Variants in NR3C2 observed in about 807,000 individuals in gnomAD.
NR3C2 encodes mineralocorticoid receptor.
In NR3C2, 15 loss-of-function variants were observed where a neutral mutation model predicts 86.4. The ratio of observed to expected loss-of-function variants is 0.17; its 90% CI spans 0.12 to 0.27. The LOEUF (loss-of-function observed/expected upper bound fraction) is 0.27. NR3C2 is among the 10% of genes least tolerant of loss of function. NR3C2 has a pLI of 1.00. For missense variants in NR3C2, 960 were observed against 1,195.6 expected (o/e 0.80, Z 2.91); for synonymous variants, 458 against 450.5 (o/e 1.02, Z -0.21).
upstream of NR3C2, chr4:148,444,147 G>A: frequency 1.0e-6 from 1 of 985,372 alleles, no homozygotes; most frequent in Non-Finnish European, 1.2e-6. Context: ...GGGGAGTCCC[G>A]GACCTAGAGC....
intron 2 of NR3C2, among the ~76,000 whole-genome samples, chr4:148,329,845 C>T (rs1171698596): frequency 2.6e-5 from 4 of 152,180 alleles, no homozygotes; most frequent in African/African-American, 9.7e-5. Context: ...GAACTTTAAT[C>T]GTTAACTGGA....
At chr4:148,360,075 T>C (rs1745764528) in intron 2 of NR3C2, among the ~76,000 whole-genome samples, 1 of 152,170 alleles carries the variant, frequency 6.6e-6, no homozygotes, top group Admixed American at 6.5e-5. Context: ...AGAAATGGAA[T>C]TTTCTATAGC....
At chr4:148,350,759 G>A (rs781757671) in intron 2 of NR3C2, among the ~76,000 whole-genome samples, 1 of 152,132 alleles carries the variant, frequency 6.6e-6, no homozygotes, top group Non-Finnish European at 1.5e-5. Flanking sequence ...CCTGTCACAG[G>A]TGTCTTAAAT....
intron 4 of NR3C2, among the ~76,000 whole-genome samples, chr4:148,170,242 T>C (rs1227023945): frequency 2.0e-5 from 3 of 152,218 alleles, no homozygotes; most frequent in Non-Finnish European, 4.4e-5. Flanking sequence ...AAATCACCCC[T>C]GGTTGAGATT....
chr4:148,169,032 T>C (rs1352822517), intron 4 of NR3C2, among the ~76,000 whole-genome samples: 1 of 152,196 alleles, frequency 6.6e-6, no homozygotes, highest in Admixed American at 6.5e-5. Context: ...GAAATCAATA[T>C]ACCATAACAT....
At chr4:148,098,906 A>G (rs1218914786) in intron 8 of NR3C2, among the ~76,000 whole-genome samples, 1 of 151,958 alleles carries the variant, frequency 6.6e-6, no homozygotes, top group Non-Finnish European at 1.5e-5. Flanking sequence ...TCCTTATGAA[A>G]TTCCTTCACT....
At chr4:148,169,223 A>G (rs987568408) in intron 4 of NR3C2, among the ~76,000 whole-genome samples, 17 of 152,212 alleles carry the variant, frequency 1.1e-4, no homozygotes, top group African/African-American at 2.9e-4. Flanking sequence ...CATTAACATC[A>G]GTATGGTTAA....
At chr4:148,260,236 G>C (rs1165114577) in intron 2 of NR3C2, 119 bp from the exon 3 acceptor site, 8 of 1,239,052 alleles carry the variant, frequency 6.5e-6, no homozygotes, top group Non-Finnish European at 9.3e-6. Flanking sequence ...AGTGTGTAAT[G>C]ACCACATACT....
chr4:148,430,948 C>T (rs1197206729), intron 2 of NR3C2, among the ~76,000 whole-genome samples: 1 of 152,114 alleles, frequency 6.6e-6, no homozygotes, highest in Non-Finnish European at 1.5e-5. Context: ...ATCCTAATTA[C>T]TGTTCTTGTA....
In NR3C2 at chr4:148,194,850, T is replaced by C. The variant is rs1180568239; in HGVS notation, c.1910A>G (p.Tyr637Cys). The C allele has an allele frequency of 2.5e-6, 4 of 1,610,236 alleles. No homozygotes were observed. Among genetic ancestry groups the C allele is most frequent in the Non-Finnish European group, 3.4e-6 (4 of 1,178,480 alleles). The part of the protein sequence containing the change: ...FKRAVEGQHN[Y>C]LCAGRNDCII... ...GCAATCATTTCTTCCAGCACATAAA[T>C]AGTTGTGTTGCCCTGATTAAAATAA... Residue 637 changes from tyrosine to cysteine, a missense_variant, in exon 4 of 9, where the codon TAT becomes TGT. Tyr to Cys is a radical substitution (Grantham distance 194). Around this residue, in one of 4 missense-constraint regions of NR3C2, gnomAD observed 47 missense variants for 107.3 expected, o/e 0.44. Transcript: ENST00000358102.
chr4:148,308,379 C>G (rs529808505), intron 2 of NR3C2, among the ~76,000 whole-genome samples: 1 of 152,116 alleles, frequency 6.6e-6, no homozygotes, highest in South Asian at 2.1e-4. Flanking sequence ...ATATGAATCC[C>G]AAAGATCTTA....
At chr4:148,350,377 T>C (rs933395790) in intron 2 of NR3C2, among the ~76,000 whole-genome samples, 2 of 152,190 alleles carry the variant, frequency 1.3e-5, no homozygotes, top group African/African-American at 4.8e-5. Flanking sequence ...CATGTAAGAC[T>C]TTTGATTAAT....
Position 148,196,956 on chromosome 4 carries a change from A to G in NR3C2, c.1898-2094T>C, listed in dbSNP as rs369072097. Among the ~76,000 whole-genome samples the G allele has an allele frequency of 1.6e-4, 24 of 152,360 alleles. No individual in the cohort carries two copies. In the South Asian group the frequency reaches 3.1e-3, roughly 20 times the overall value. ...TAAAATAAAATTTTAATGCCACATT[A>G]GAGTTCTATGTTAGTTAACCCACAG... is the stretch of plus-strand genomic sequence containing the variant. On this transcript the variant is annotated intron_variant, in intron 3 of 8. Coordinates refer to ENST00000358102, the MANE Select transcript of NR3C2 (RefSeq NM_000901.5).
At chr4:148,409,375 G>A (rs1197519806) in intron 2 of NR3C2, among the ~76,000 whole-genome samples, 1 of 151,914 alleles carries the variant, frequency 6.6e-6, no homozygotes, top group Non-Finnish European at 1.5e-5. Context: ...ATCAAATTGA[G>A]CCATGAACTA....
chr4:148,140,546 A>G (rs891539745), intron 6 of NR3C2, among the ~76,000 whole-genome samples: 1 of 136,988 alleles, frequency 7.3e-6, no homozygotes, highest in Non-Finnish European at 1.7e-5. Context: ...TTAAAAAAAG[A>G]AAGAAATTTG....
rs535415004 is a variant in NR3C2 at position 148,248,812 on chromosome 4, T to G, written c.1897+11166A>C. ...ACAGTTTAAATATTCCAAATTTTATTGAGAACCAAGGTGTAATATTACTTA... is the reference window on the plus strand; with the variant it reads ...ACAGTTTAAATATTCCAAATTTTATGGAGAACCAAGGTGTAATATTACTTA... On this transcript the variant is annotated intron_variant, in intron 3 of 8. Transcript: ENST00000358102. Among the ~76,000 whole-genome samples, 7 of 152,316 alleles carry G rather than the reference T, an allele frequency of 4.6e-5. No individual in the cohort carries two copies. The East Asian group carries it at 1.4e-3, about 29-fold the overall frequency.
chr4:148,199,908 T>C (rs1409347119), intron 3 of NR3C2, among the ~76,000 whole-genome samples: 4 of 152,204 alleles, frequency 2.6e-5, no homozygotes, highest in Non-Finnish European at 5.9e-5. Flanking sequence ...TATCATGTGT[T>C]CTTGATATGT....
At chr4:148,106,926 A>G (rs1287034906) in intron 8 of NR3C2, among the ~76,000 whole-genome samples, 2 of 152,250 alleles carry the variant, frequency 1.3e-5, no homozygotes, top group Non-Finnish European at 2.9e-5. Flanking sequence ...AACCTAGGCA[A>G]TACCTTGCAG....
At chr4:148,376,314 C>G (rs1046721569) in intron 2 of NR3C2, among the ~76,000 whole-genome samples, 12 of 152,186 alleles carry the variant, frequency 7.9e-5, no homozygotes, top group Admixed American at 2.0e-4. Context: ...AAAAAAGAAT[C>G]TGCGCCACAG....
Sources: gnomAD v4.1 joint callset for allele counts (sites outside exome capture counted in the v4.1 genomes callset) on GRCh38, gnomAD v4.1.1 for gene constraint, gnomAD v4.1.1 regional missense constraint, MANE v1.5 for transcripts, NCBI Gene and HGNC (gene_info 2026-07-23, HGNC 2026-07-21) for gene names.